The following NFE2L2 variants were observed in gnomAD, a reference collection of about 807,000 sequenced individuals.
NFE2L2 encodes NFE2 like bZIP transcription factor 2.
In NFE2L2, 20 loss-of-function variants were observed where a neutral mutation model predicts 49.6. The observed-to-expected ratio is 0.40, with a 90% CI of 0.28 to 0.59. The LOEUF (loss-of-function observed/expected upper bound fraction) is 0.59. Ranked by LOEUF, NFE2L2 falls within the 20% of genes least tolerant of loss-of-function variation. NFE2L2 has a pLI of 0.40. For missense variants in NFE2L2, 578 were observed against 714.2 expected, an observed-to-expected ratio of 0.81 and a Z score of 2.17; for synonymous variants, 244 against 256.5, an observed-to-expected ratio of 0.95 and a Z score of 0.47.
chr2:177,251,042 G>C (rs901584789), intron 1 of NFE2L2, among the ~76,000 whole-genome samples: 2 of 152,216 alleles, frequency 1.3e-5, no homozygotes, highest in Non-Finnish European at 1.5e-5. Context: ...CTACCTTTTA[G>C]GGTTCTGGGT....
chr2:177,250,623 G>A (rs79766920), intron 1 of NFE2L2, among the ~76,000 whole-genome samples: 2,828 of 152,340 alleles, frequency 0.019, 91 homozygotes, highest in African/African-American at 0.064. Context: ...AACAAAAACA[G>A]AGAGGTTAAG....
In NFE2L2 at chr2:177,263,771, G is replaced by A. The variant is rs1333210121; in HGVS notation, c.45+761C>T. 5 of 985,386 alleles carry A rather than the reference G, an allele frequency of 5.1e-6. No homozygotes were observed. In the African/African-American group the frequency reaches 5.2e-5, roughly 10 times the overall value. 61.0% of individuals were successfully genotyped at this position (985,386 alleles called of 1,614,324 possible). On this transcript the variant is annotated intron_variant, in intron 1 of 4. Coordinates refer to ENST00000397062, the MANE Select transcript of NFE2L2 (RefSeq NM_006164.5). ...TACGAGGGGCCAACTCCGGGTGCCC[G>A]AGCCCGAACCCCTCCCCGGCCGAGA...
chr2:177,233,446 GTAAA>G, intron 2 of NFE2L2, 107 bp from the exon 3 acceptor site: 1 of 861,120 alleles, frequency 1.2e-6, no homozygotes, highest in Non-Finnish European at 1.8e-6. Flanking sequence ...ATCAAGTTAA[GTAAA>G]TATTTATCTT....
At chr2:177,260,923 C>T (rs953781190) in intron 1 of NFE2L2, among the ~76,000 whole-genome samples, 2 of 152,120 alleles carry the variant, frequency 1.3e-5, no homozygotes, top group Non-Finnish European at 2.9e-5. Flanking sequence ...GTAATCCCAA[C>T]ACTTTGGGAG....
chr2:177,235,223 C>T (rs974815937), intron 1 of NFE2L2, among the ~76,000 whole-genome samples: 5 of 151,544 alleles, frequency 3.3e-5, no homozygotes, highest in African/African-American at 9.7e-5. Flanking sequence ...CCCAGGAGTT[C>T]GCGACCAGCC....
At chr2:177,264,472 C>T in intron 1 of NFE2L2, 60 bp downstream of exon 1, 3 of 1,493,610 alleles carry the variant, frequency 2.0e-6, no homozygotes, top group Non-Finnish European at 2.7e-6. Context: ...GGCCGCGGTT[C>T]CCTAGCTCCC....
chr2:177,258,108 G>A (rs1690594390), intron 1 of NFE2L2, among the ~76,000 whole-genome samples: 2 of 152,102 alleles, frequency 1.3e-5, no homozygotes, highest in South Asian at 4.1e-4. Flanking sequence ...AAATACTGAT[G>A]GTGAGTCTAA....
In NFE2L2 at chr2:177,232,505, G is replaced by GATTAGTAGCAATGAAGCTACTA; in HGVS notation, c.480_481insTAGTAGCTTCATTGCTACTAAT (p.Gln161Ter). ...ACAGAAGTTTCAGGTGACTGAGCCT[G>GATTAGTAGCAATGAAGCTACTA]ATTAGTAGCAATGAAGACTGGGCTC... On this transcript the variant is annotated stop_gained and frameshift_variant, in exon 4 of 5. Coordinates refer to ENST00000397062, the MANE Select transcript of NFE2L2 (RefSeq NM_006164.5). LOFTEE classifies it high-confidence loss of function. 6.2e-7 allele frequency: 1 copy of GATTAGTAGCAATGAAGCTACTA among 1,614,158 alleles called. No individual in the cohort carries two copies. Among genetic ancestry groups the GATTAGTAGCAATGAAGCTACTA allele is most frequent in the East Asian group, 2.2e-5 (1 of 44,888 alleles).
Position 177,233,410 on chromosome 2 carries a change from T to C in NFE2L2, c.313-71A>G, listed in dbSNP as rs537154006. 140 of 1,081,436 alleles carry C rather than the reference T, an allele frequency of 1.3e-4. 2 individuals are homozygous for C. The African/African-American group carries it at 2.1e-3, about 16-fold the overall frequency. The allele number at this position is 1,081,436 out of a possible 1,614,324, so 67.0% of individuals were successfully genotyped here. On this transcript the variant is annotated intron_variant, in intron 2 of 4. Coordinates refer to ENST00000397062, the MANE Select transcript of NFE2L2 (RefSeq NM_006164.5). Reference sequence around the variant, plus strand: ...TTCCATTGCCAAGCTAAATATTCAATAATTGATGTTCATAAAATATTTATA... The same window carrying C: ...TTCCATTGCCAAGCTAAATATTCAACAATTGATGTTCATAAAATATTTATA...
In NFE2L2 at chr2:177,230,776, C is replaced by T. The variant is rs1689513899; in HGVS notation, c.*9G>A. 6.4e-7 allele frequency: 1 copy of T among 1,567,356 alleles called. No individual in the cohort carries two copies. The highest frequency in any genetic ancestry group is 8.6e-7 in the Non-Finnish European group (1 of 1,163,900). The stretch of plus-strand genomic sequence containing the variant: ...AAACTAGCTCAGAAAAGGTCAAATC[C>T]TCCTAAATCTAGTTTTTCTTAACAT... On this transcript the variant is annotated 3_prime_UTR_variant, in exon 5 of 5. Transcript: ENST00000397062.
chr2:177,241,531 A>C (rs1331293118), intron 1 of NFE2L2, among the ~76,000 whole-genome samples: 1 of 152,168 alleles, frequency 6.6e-6, no homozygotes, highest in Non-Finnish European at 1.5e-5. Flanking sequence ...AGGCTGCAAA[A>C]ATATTTGAGG....
Position 177,252,389 on chromosome 2 carries a change from T to C in NFE2L2, c.45+12143A>G, listed in dbSNP as rs146047420. Among the ~76,000 whole-genome samples, 134 of 152,320 alleles carry C rather than the reference T, an allele frequency of 8.8e-4. 2 individuals carry two copies. Among genetic ancestry groups the C allele is most frequent in the Admixed American group, 2.0e-3 (30 of 15,296 alleles). On this transcript the variant is annotated intron_variant, in intron 1 of 4. Transcript: ENST00000397062. ...TGCTAGATGTCCACATCTGTCTGCT[T>C]GGGGCTCACAGGAAAAGCTCATAGG... is the stretch of plus-strand genomic sequence containing the variant.
In NFE2L2 at chr2:177,230,623, C is replaced by A; in HGVS notation, c.*162G>T. 1 of 718,594 alleles carries A rather than the reference C, an allele frequency of 1.4e-6. No individual in the cohort carries two copies. The highest frequency in any genetic ancestry group is 2.1e-6 in the Non-Finnish European group (1 of 480,462). The allele number at this position is 718,594 out of a possible 1,614,324, so 44.5% of individuals were successfully genotyped here. On this transcript the variant is annotated 3_prime_UTR_variant, in exon 5 of 5. Coordinates refer to ENST00000397062, the MANE Select transcript of NFE2L2 (RefSeq NM_006164.5). ...TGAAACTACTGATTCAACATACTGA[C>A]ACTCCAATGCTTTTTAAAGTTTCGT...
intron 1 of NFE2L2, among the ~76,000 whole-genome samples, chr2:177,261,095 C>CT (rs949449306): frequency 2.0e-5 from 3 of 147,016 alleles, no homozygotes; most frequent in Admixed American, 6.9e-5. Context: ...CACTTGAACC[C>CT]GGGAAGTAGA....
chr2:177,262,024 C>A (rs970929561), intron 1 of NFE2L2, among the ~76,000 whole-genome samples: 1 of 151,976 alleles, frequency 6.6e-6, no homozygotes, highest in Non-Finnish European at 1.5e-5. Context: ...GTCAGTTTTC[C>A]CCCCAACATT....
chr2:177,230,817 T>C lies in NFE2L2; in HGVS notation c.1786A>G (p.Lys596Glu), dbSNP rs976522151. 1.3e-6 allele frequency: 2 copies of C among 1,590,068 alleles called. No homozygotes were observed. The highest frequency in any genetic ancestry group is 2.7e-5 in the African/African-American group (2 of 73,334). Residue 596 changes from lysine (K) to glutamate (E), a missense_variant, in exon 5 of 5, where the codon AAA becomes GAA. This residue lies in a region of NFE2L2 where 117 missense variants were observed against 175.8 expected (regional missense o/e 0.67). Coordinates refer to ENST00000397062, the MANE Select transcript of NFE2L2 (RefSeq NM_006164.5). ...TRDGNVFLVPKSKKPDVKKN is the reference protein window; with the variant it reads ...TRDGNVFLVPESKKPDVKKN ...TTCTTAACATCTGGCTTCTTACTTT[T>C]GGGAACAAGGAAAACATTGCCATCT...
At chr2:177,263,915 A>C in intron 1 of NFE2L2, 1 of 985,494 alleles carries the variant, frequency 1.0e-6, no homozygotes, top group South Asian at 4.7e-5. Flanking sequence ...GCTGCCAGAG[A>C]GTGATCCGAG....
At chr2:177,232,342 A>C in intron 4 of NFE2L2, 50 bp downstream of exon 4, 1 of 1,497,760 alleles carries the variant, frequency 6.7e-7, no homozygotes, top group Non-Finnish European at 9.1e-7. Flanking sequence ...GAATGACTAA[A>C]GGCACTGAAT....
chr2:177,235,962 G>A (rs1458599072), intron 1 of NFE2L2, among the ~76,000 whole-genome samples: 1 of 152,178 alleles, frequency 6.6e-6, no homozygotes, highest in African/African-American at 2.4e-5. Flanking sequence ...AATCTAAATA[G>A]GTAGGAAATC....
Sources: gnomAD v4.1 joint callset for allele counts (sites outside exome capture counted in the v4.1 genomes callset) on GRCh38, gnomAD v4.1.1 for gene constraint, gnomAD v4.1.1 regional missense constraint, MANE v1.5 for transcripts, NCBI Gene and HGNC (gene_info 2026-07-23, HGNC 2026-07-21) for gene names.